YIPF4: variants seen among roughly 807,000 people sequenced by gnomAD.
YIPF4 encodes protein YIPF4.
YIPF4 carries 18 observed loss-of-function variants against 29.4 expected under a neutral mutation model. The observed-to-expected ratio is 0.61, with a 90% confidence interval of 0.42 to 0.91. YIPF4 has a LOEUF of 0.91. YIPF4 is among the 40% of genes least tolerant of loss of function. YIPF4 has a pLI of 0.00. For synonymous variants in YIPF4, 115 were observed against 104.7 expected (o/e 1.10, Z -0.60); for missense variants, 279 against 282.7 (o/e 0.99, Z 0.09).
In YIPF4 at chr2:32,293,701, C is replaced by T. The variant is rs544757200; in HGVS notation, c.405+1353C>T. 2.0e-4 allele frequency among the ~76,000 whole-genome samples: 31 copies of T among 151,370 alleles called. No homozygotes were observed. The South Asian group carries it at 2.1e-3, about 10-fold the overall frequency. Reference sequence around the variant, plus strand: ...GGCACCCCTCACCTCCCGGAAGGGGCGGCTGGCCGGGCGGGGGGCTGACCC... The same window carrying T: ...GGCACCCCTCACCTCCCGGAAGGGGTGGCTGGCCGGGCGGGGGGCTGACCC... On this transcript the variant is annotated intron_variant, in intron 3 of 5. Coordinates refer to ENST00000238831, the MANE Select transcript of YIPF4 (RefSeq NM_032312.4).
rs1253535257 is a variant in YIPF4 at position 32,314,312 on chromosome 2, C to T, written c.*8686C>T. 1 of 152,196 alleles carries T rather than the reference C, an allele frequency of 6.6e-6. No individual in the cohort carries two copies. Among genetic ancestry groups the T allele is most frequent in the Admixed American group, 6.5e-5 (1 of 15,268 alleles). 9.4% of individuals were successfully genotyped at this position (152,196 alleles called of 1,614,324 possible). On this transcript the variant is annotated 3_prime_UTR_variant, in exon 6 of 6. Coordinates refer to ENST00000238831, the MANE Select transcript of YIPF4 (RefSeq NM_032312.4). ...TGTATTACTTCATTTATATGAAGTT[C>T]AAACACAGGCAAAATTAAGCTATAG...
At chr2:32,299,432 T>A (rs767998474) in intron 4 of YIPF4, among the ~76,000 whole-genome samples, 1 of 152,226 alleles carries the variant, frequency 6.6e-6, no homozygotes, top group South Asian at 2.1e-4. Flanking sequence ...CTAAAGTATC[T>A]GAAGAAAATA....
At position 32,311,278 on chromosome 2, in the gene YIPF4, T is replaced by C. The variant is rs1444495454; in HGVS notation, c.*5652T>C. 1 of 152,196 alleles carries C rather than the reference T, an allele frequency of 6.6e-6. No individual in the cohort carries two copies. Among genetic ancestry groups the C allele is most frequent in the Non-Finnish European group, 1.5e-5 (1 of 68,030 alleles). 9.4% of individuals were successfully genotyped at this position (152,196 alleles called of 1,614,324 possible). ...TTTCTGGGTTGTAGTGATTAAAAAA[T>C]GGTTAAGAGAATGTTCCCTATACAA... On this transcript the variant is annotated 3_prime_UTR_variant, in exon 6 of 6. Transcript: ENST00000238831.
rs771349685 is a variant in YIPF4, at chr2:32,306,306, G to T, written c.*680G>T. 9.1e-6 allele frequency: 9 copies of T among 984,996 alleles called. No homozygotes were observed. Among genetic ancestry groups the T allele is most frequent in the Non-Finnish European group, 1.1e-5 (9 of 829,594 alleles). The allele number at this position is 984,996 out of a possible 1,614,324, so 61.0% of individuals were successfully genotyped here. On this transcript the variant is annotated 3_prime_UTR_variant, in exon 6 of 6. Coordinates refer to ENST00000238831, the MANE Select transcript of YIPF4 (RefSeq NM_032312.4). ...TGCTGATATATATTTGGTTTGTTTGGGTATACTTTTCAAAACCATTTTTGA... is the reference window on the plus strand; with the variant it reads ...TGCTGATATATATTTGGTTTGTTTGTGTATACTTTTCAAAACCATTTTTGA...
chr2:32,295,085 C>A (rs987715934), intron 3 of YIPF4, among the ~76,000 whole-genome samples: 1 of 152,014 alleles, frequency 6.6e-6, no homozygotes, highest in African/African-American at 2.4e-5. Context: ...ATATTTCTTA[C>A]CTTTTATTGA....
intron 3 of YIPF4, among the ~76,000 whole-genome samples, chr2:32,297,364 G>C (rs1032324400): frequency 2.0e-5 from 3 of 151,862 alleles, no homozygotes; most frequent in African/African-American, 7.2e-5. Context: ...CAGGTTATCT[G>C]CCTGCCTCAG....
chr2:32,293,058 ATTTT>A (rs1056576368), intron 3 of YIPF4, among the ~76,000 whole-genome samples: 1 of 128,470 alleles, frequency 7.8e-6, no homozygotes, highest in African/African-American at 2.8e-5. Context: ...TTTTATTTTT[ATTTT>A]TTTATTTTTA....
chr2:32,278,018 TG>T lies in YIPF4; in HGVS notation c.-136del. The T allele has an allele frequency of 1.4e-6, 1 of 702,530 alleles. No individual in the cohort carries two copies. The highest frequency in any genetic ancestry group is 3.5e-5 in the Admixed American group (1 of 28,752). The allele number at this position is 702,530 out of a possible 1,614,324, so 43.5% of individuals were successfully genotyped here. On this transcript the variant is annotated 5_prime_UTR_variant, in exon 1 of 6. Transcript: ENST00000238831. ...CTCAGCGGCCCGCTGTGCCCGTTTC[TG>T]GCCTCGCTCGCAGCTTGCACGTCGA...
Position 32,311,754 on chromosome 2 carries a change from C to A in YIPF4, c.*6128C>A, listed in dbSNP as rs1001675786. On this transcript the variant is annotated 3_prime_UTR_variant, in exon 6 of 6. Transcript: ENST00000238831. ...CTTGGTTTTTCTGTAATATTTGCCA[C>A]TGAGCAATTTTTATTAAAAACCAAA... 2 of 152,102 alleles carry A rather than the reference C, an allele frequency of 1.3e-5. No homozygotes were observed. Among genetic ancestry groups the A allele is most frequent in the African/African-American group, 4.8e-5 (2 of 41,412 alleles). The allele number at this position is 152,102 out of a possible 1,614,324, so 9.4% of individuals were successfully genotyped here.
intron 1 of YIPF4, among the ~76,000 whole-genome samples, chr2:32,279,251 G>A (rs1311146157): frequency 6.6e-6 from 1 of 151,974 alleles, no homozygotes; most frequent in African/African-American, 2.4e-5. Flanking sequence ...GATTACCGGC[G>A]TGAGCCACCG....
intron 2 of YIPF4, among the ~76,000 whole-genome samples, chr2:32,291,117 A>G (rs2030892811): frequency 6.6e-6 from 1 of 152,262 alleles, no homozygotes; most frequent in Non-Finnish European, 1.5e-5. Flanking sequence ...AAAAAAGTAA[A>G]GAAATAAATA....
rs555391904 is a variant in YIPF4, at chr2:32,312,280, A to C, written c.*6654A>C. On this transcript the variant is annotated 3_prime_UTR_variant, in exon 6 of 6. Coordinates refer to ENST00000238831, the MANE Select transcript of YIPF4 (RefSeq NM_032312.4). ...GAGGTGGGCGGACCACGAGGTCAGG[A>C]GATCGAGACCATCCTGGCTAACACG... is the stretch of plus-strand genomic sequence containing the variant. 1 of 149,610 alleles carries C rather than the reference A, an allele frequency of 6.7e-6. No homozygotes were observed. Among genetic ancestry groups the C allele is most frequent in the African/African-American group, 2.5e-5 (1 of 40,606 alleles). The allele number at this position is 149,610 out of a possible 1,614,324, so 9.3% of individuals were successfully genotyped here.
In YIPF4 at chr2:32,306,539, T is replaced by C. The variant is rs2031587470; in HGVS notation, c.*913T>C. ...TCTTGTGGTGTTGAACAATGTTATA[T>C]GAAGTAGAAAAAATAAAATACTTCC... is the stretch of plus-strand genomic sequence containing the variant. On this transcript the variant is annotated 3_prime_UTR_variant, in exon 6 of 6. Transcript: ENST00000238831. The C allele has an allele frequency of 1.0e-6, 1 of 985,166 alleles. No individual in the cohort carries two copies. 61.0% of individuals were successfully genotyped at this position (985,166 alleles called of 1,614,324 possible).
chr2:32,299,188 C>A (rs2031305842), intron 4 of YIPF4, among the ~76,000 whole-genome samples: 2 of 152,068 alleles, frequency 1.3e-5, no homozygotes, highest in African/African-American at 4.8e-5. Context: ...TTTATTCTTA[C>A]AGAAATTCTC....
intron 3 of YIPF4, among the ~76,000 whole-genome samples, chr2:32,296,268 TC>T (rs908683452): frequency 6.6e-6 from 1 of 152,012 alleles, no homozygotes; most frequent in African/African-American, 2.4e-5. Context: ...GGTCAGGAGT[TC>T]AAGACCAGCC....
intron 5 of YIPF4, among the ~76,000 whole-genome samples, chr2:32,304,717 G>C (rs1018289127): frequency 1.3e-5 from 2 of 152,166 alleles, no homozygotes; most frequent in East Asian, 3.8e-4. Flanking sequence ...ACTCTGCCTT[G>C]TGCCAGGTCT....
rs1421441524 is a variant in YIPF4 at position 32,310,937 on chromosome 2, G to T, written c.*5311G>T. On this transcript the variant is annotated 3_prime_UTR_variant, in exon 6 of 6. Transcript: ENST00000238831. The stretch of plus-strand genomic sequence containing the variant: ...GACCCGCACTATTCAAATTTGTGGT[G>T]TTCAAGGTTCAACTGTAATTTCCTA... 6.6e-6 allele frequency: 1 copy of T among 152,066 alleles called. No homozygotes were observed. Among genetic ancestry groups the T allele is most frequent in the East Asian group, 1.9e-4 (1 of 5,194 alleles). 9.4% of individuals were successfully genotyped at this position (152,066 alleles called of 1,614,324 possible).
intron 3 of YIPF4, among the ~76,000 whole-genome samples, chr2:32,293,890 G>C (rs1373049927): frequency 2.1e-5 from 3 of 144,880 alleles, no homozygotes; most frequent in African/African-American, 5.1e-5. Context: ...CCGGGCGGGG[G>C]GCTGACCCCC....
intron 3 of YIPF4, among the ~76,000 whole-genome samples, chr2:32,297,122 T>A (rs1375868848): frequency 6.6e-6 from 1 of 151,954 alleles, no homozygotes; most frequent in Admixed American, 6.6e-5. Flanking sequence ...ATCAACCGTT[T>A]TTTTGTTTTT....
Sources: gnomAD v4.1 joint callset for allele counts (sites outside exome capture counted in the v4.1 genomes callset) on GRCh38, gnomAD v4.1.1 for gene constraint, MANE v1.5 for transcripts, NCBI Gene and HGNC (gene_info 2026-07-23, HGNC 2026-07-21) for gene names.